AGBL4: variants seen among roughly 807,000 people sequenced by gnomAD.
The protein encoded by AGBL4 is AGBL carboxypeptidase 4.
In AGBL4, 58 loss-of-function variants were observed where a neutral mutation model predicts 66.4. The ratio of observed to expected loss-of-function variants is 0.87; its 90% CI spans 0.71 to 1.09. The LOEUF is 1.09. Among genes scored for constraint, AGBL4 ranks in the 50% least tolerant of loss-of-function variants. The pLI is 0.00. For missense variants in AGBL4, 579 were observed against 631.0 expected (o/e 0.92, Z 0.88); for synonymous variants, 234 against 222.9 (o/e 1.05, Z -0.44).
At chr1:49,529,239 A>G (rs935788792) in intron 3 of AGBL4, among the ~76,000 whole-genome samples, 3 of 152,158 alleles carry the variant, frequency 2.0e-5, no homozygotes, top group Admixed American at 1.3e-4. Flanking sequence ...TTGAGAGATA[A>G]TGGGGAATAT....
intron 6 of AGBL4, among the ~76,000 whole-genome samples, chr1:48,793,831 A>G (rs1645608221): frequency 6.6e-6 from 1 of 152,184 alleles, no homozygotes; most frequent in South Asian, 2.1e-4. Context: ...CAAAGCGGGT[A>G]TAAAGTCATC....
chr1:49,948,003 TATATAA>T (rs1655458463), intron 1 of AGBL4, among the ~76,000 whole-genome samples: 2 of 90,096 alleles, frequency 2.2e-5, no homozygotes, highest in African/African-American at 5.9e-5. Context: ...TATATAAATA[TATATAA>T]ATATATAAAT....
At chr1:48,997,069 C>A (rs533164488) in intron 5 of AGBL4, among the ~76,000 whole-genome samples, 3 of 152,116 alleles carry the variant, frequency 2.0e-5, no homozygotes, top group Admixed American at 1.3e-4. Context: ...ATTACAGGTG[C>A]CCGCCACCAC....
At chr1:49,842,557 G>T (rs1454140122) in intron 2 of AGBL4, among the ~76,000 whole-genome samples, 1 of 152,150 alleles carries the variant, frequency 6.6e-6, no homozygotes, top group Non-Finnish European at 1.5e-5. Context: ...CACCCATTTT[G>T]CTGTGAGTGA....
chr1:48,753,529 G>A (rs920039208), intron 6 of AGBL4, among the ~76,000 whole-genome samples: 1 of 152,188 alleles, frequency 6.6e-6, no homozygotes, highest in Non-Finnish European at 1.5e-5. Flanking sequence ...GTATTTTAGC[G>A]GACCTTGGAC....
chr1:49,347,126 A>AT (rs890153120), intron 3 of AGBL4, among the ~76,000 whole-genome samples: 1 of 152,040 alleles, frequency 6.6e-6, no homozygotes, highest in African/African-American at 2.4e-5. Flanking sequence ...GCCCTTGTAG[A>AT]TTTTTTTATC....
At chr1:48,534,985 C>T in intron 12 of AGBL4, 69 bp from the exon 13 acceptor site, 2 of 1,384,246 alleles carry the variant, frequency 1.4e-6, no homozygotes, top group Non-Finnish European at 2.0e-6. Context: ...TGAAGAGGTG[C>T]TATTCATCTG....
chr1:49,543,307 C>A (rs1370511938), intron 3 of AGBL4, among the ~76,000 whole-genome samples: 5 of 152,098 alleles, frequency 3.3e-5, no homozygotes, highest in Non-Finnish European at 7.4e-5. Context: ...AATTGACTGG[C>A]AGGGAACCTG....
intron 2 of AGBL4, among the ~76,000 whole-genome samples, chr1:49,826,897 G>A (rs971888964): frequency 5.9e-5 from 9 of 152,112 alleles, no homozygotes; most frequent in East Asian, 3.8e-4. Flanking sequence ...ACTGGAAGAC[G>A]GAAAAGCCAT....
intron 6 of AGBL4, among the ~76,000 whole-genome samples, chr1:48,731,446 C>A (rs560998309): frequency 3.3e-5 from 5 of 152,142 alleles, no homozygotes; most frequent in Non-Finnish European, 7.3e-5. Context: ...AAGGGTTAGA[C>A]AAGTCTCCTA....
chr1:49,291,359 G>A (rs1406402722), intron 3 of AGBL4, among the ~76,000 whole-genome samples: 2 of 151,996 alleles, frequency 1.3e-5, no homozygotes, highest in African/African-American at 4.8e-5. Flanking sequence ...AACCTGATGA[G>A]GACATTACAA....
chr1:48,654,133 T>C (rs1164737127), intron 7 of AGBL4, among the ~76,000 whole-genome samples: 1 of 152,108 alleles, frequency 6.6e-6, no homozygotes, highest in African/African-American at 2.4e-5. Context: ...TCCATGACAT[T>C]TTTCCTACTG....
At chr1:49,614,622 G>C (rs1645217267) in intron 3 of AGBL4, among the ~76,000 whole-genome samples, 2 of 152,064 alleles carry the variant, frequency 1.3e-5, no homozygotes, top group Admixed American at 1.3e-4. Flanking sequence ...TACTTTTATA[G>C]TATTTTTCCA....
chr1:49,003,315 T>G (rs989028899), intron 5 of AGBL4, among the ~76,000 whole-genome samples: 2 of 152,080 alleles, frequency 1.3e-5, no homozygotes, highest in Non-Finnish European at 2.9e-5. Flanking sequence ...GGAGAATCGC[T>G]TGAACCCAGG....
At chr1:49,678,314 T>A (rs910795935) in intron 3 of AGBL4, among the ~76,000 whole-genome samples, 3 of 152,134 alleles carry the variant, frequency 2.0e-5, no homozygotes, top group Non-Finnish European at 4.4e-5. Context: ...TATCTCCTAT[T>A]TCATTCCTAA....
intron 3 of AGBL4, among the ~76,000 whole-genome samples, chr1:49,342,659 A>C (rs555309448): frequency 6.6e-6 from 1 of 152,192 alleles, no homozygotes; most frequent in Non-Finnish European, 1.5e-5. Context: ...TTCTGTGGCT[A>C]AGGCTTTGTC....
chr1:48,575,981 T>C (rs1385528726), intron 11 of AGBL4, among the ~76,000 whole-genome samples: 1 of 152,164 alleles, frequency 6.6e-6, no homozygotes, highest in Non-Finnish European at 1.5e-5. Flanking sequence ...AAGTTCAGAA[T>C]GGAGCTATCT....
At chr1:48,628,631 T>C (rs545708800) in intron 9 of AGBL4, among the ~76,000 whole-genome samples, 2 of 152,254 alleles carry the variant, frequency 1.3e-5, no homozygotes, top group East Asian at 3.9e-4. Flanking sequence ...CTACCTGTTA[T>C]AAATCCTGCA....
At chr1:50,020,966 G>A (rs967999034) in intron 1 of AGBL4, among the ~76,000 whole-genome samples, 5 of 152,298 alleles carry the variant, frequency 3.3e-5, no homozygotes, top group Admixed American at 1.3e-4. Context: ...CTGTGATTTA[G>A]TGGTAAAAGA....
Sources: allele counts gnomAD v4.1 joint callset (sites outside exome capture counted in the v4.1 genomes callset), GRCh38; gene constraint gnomAD v4.1.1; transcripts MANE v1.5; gene names NCBI Gene and HGNC (gene_info 2026-07-23, HGNC 2026-07-21).